INVS: variants seen among roughly 807,000 people sequenced by gnomAD.
INVS encodes inversin.
Under a neutral mutation model 108.8 loss-of-function variants are expected in INVS, and 86 were observed. The observed-to-expected ratio is 0.79, with a 90% confidence interval of 0.66 to 0.95. INVS has a LOEUF of 0.95. Among genes scored for constraint, INVS ranks in the 40% least tolerant of loss-of-function variants. The pLI is 0.00. For synonymous variants in INVS, 455 were observed against 473.5 expected (o/e 0.96, Z 0.51); for missense variants, 1,169 against 1,297.4 (o/e 0.90, Z 1.52).
chr9:100,204,228 A>G (rs1330474395), intron 3 of INVS, among the ~76,000 whole-genome samples: 5 of 152,228 alleles, frequency 3.3e-5, no homozygotes, highest in African/African-American at 4.8e-5. Context: ...AACTAGTTAG[A>G]GCCAGGACTA....
chr9:100,170,975 C>T (rs192794629), intron 3 of INVS, among the ~76,000 whole-genome samples: 1 of 152,276 alleles, frequency 6.6e-6, no homozygotes, highest in East Asian at 1.9e-4. Flanking sequence ...AGAGAGGCAT[C>T]TAAGCCATCC....
At chr9:100,116,912 A>G (rs1045403696) in intron 2 of INVS, 2 of 1,328,766 alleles carry the variant, frequency 1.5e-6, no homozygotes, top group African/African-American at 1.4e-5. Context: ...GATGGCATCA[A>G]AGGTGGCCTT....
chr9:100,179,224 C>T (rs986180344), intron 3 of INVS, among the ~76,000 whole-genome samples: 9 of 152,140 alleles, frequency 5.9e-5, no homozygotes, highest in Non-Finnish European at 1.2e-4. Flanking sequence ...GAAGAAACTG[C>T]ATCAACGAAT....
chr9:100,240,007 T>C, intron 5 of INVS, 53 bp from the exon 6 acceptor site: 1 of 1,460,608 alleles, frequency 6.8e-7, no homozygotes. Context: ...ACACCAAATG[T>C]AATTTATTGA....
At chr9:100,112,210 G>T (rs1419183228) in intron 2 of INVS, among the ~76,000 whole-genome samples, 1 of 152,158 alleles carries the variant, frequency 6.6e-6, no homozygotes, top group East Asian at 1.9e-4. Flanking sequence ...GACCTCAGGT[G>T]ATCCACCCGC....
chr9:100,112,876 T>C (rs1827386356), intron 2 of INVS, among the ~76,000 whole-genome samples: 1 of 152,194 alleles, frequency 6.6e-6, no homozygotes, highest in African/African-American at 2.4e-5. Context: ...TCCTCTCCTT[T>C]ACTAAAGCTT....
Position 100,242,528 on chromosome 9 carries a change from A to T in INVS, c.797-42A>T, listed in dbSNP as rs534259928. ...TTAAATAGATTATAAATTAATTAAC[A>T]TCCTTTATAAGTGATAATTACCTTT... On this transcript the variant is annotated intron_variant, in intron 6 of 16. Transcript: ENST00000262457. 3 of 1,012,292 alleles carry T rather than the reference A, an allele frequency of 3.0e-6. No homozygotes were observed. The Admixed American group carries it at 5.1e-5, about 17-fold the overall frequency. 62.7% of individuals were successfully genotyped at this position (1,012,292 alleles called of 1,614,324 possible).
At chr9:100,264,798 C>T in intron 10 of INVS, 24 bp from the exon 11 acceptor site, 1 of 1,489,790 alleles carries the variant, frequency 6.7e-7, no homozygotes, top group East Asian at 2.3e-5. Context: ...TCCAGATGTA[C>T]TTGATTTTTG....
At chr9:100,284,293 C>A (rs763840154) in intron 12 of INVS, 27 bp from the exon 13 acceptor site, 1 of 1,612,816 alleles carries the variant, frequency 6.2e-7, no homozygotes, top group Non-Finnish European at 8.5e-7. Flanking sequence ...TAAATTTTTT[C>A]ATCTTCTTCT....
At chr9:100,199,788 A>G (rs1031156872) in intron 3 of INVS, among the ~76,000 whole-genome samples, 1 of 152,056 alleles carries the variant, frequency 6.6e-6, no homozygotes, top group Non-Finnish European at 1.5e-5. Context: ...ATGTGCATAG[A>G]GGTAGTTTTC....
At chr9:100,162,857 G>A (rs1829233791) in intron 3 of INVS, among the ~76,000 whole-genome samples, 3 of 151,876 alleles carry the variant, frequency 2.0e-5, no homozygotes, top group Admixed American at 1.3e-4. Flanking sequence ...TCTGAGTTTG[G>A]CAAGGACCCA....
chr9:100,285,974 G>A (rs534063067), intron 13 of INVS, among the ~76,000 whole-genome samples: 6 of 152,294 alleles, frequency 3.9e-5, no homozygotes, highest in Non-Finnish European at 7.4e-5. Context: ...TAATGTCTTC[G>A]TATTATTATG....
intron 3 of INVS, among the ~76,000 whole-genome samples, chr9:100,197,874 G>C (rs952636268): frequency 6.6e-6 from 1 of 152,136 alleles, no homozygotes; most frequent in Admixed American, 6.6e-5. Context: ...TATATTTTTA[G>C]TTTCTAAGGG....
chr9:100,204,182 TG>T (rs1830613473), intron 3 of INVS, among the ~76,000 whole-genome samples: 1 of 152,120 alleles, frequency 6.6e-6, no homozygotes, highest in Non-Finnish European at 1.5e-5. Flanking sequence ...ACTAAATAAT[TG>T]TTTGGTAAAT....
chr9:100,143,334 A>G (rs149523418), intron 3 of INVS, among the ~76,000 whole-genome samples: 4,732 of 152,156 alleles, frequency 0.031, 236 homozygotes, highest in African/African-American at 0.11. Context: ...GGACAGGTAA[A>G]ATGGGGGAAT....
intron 12 of INVS, among the ~76,000 whole-genome samples, chr9:100,278,255 AT>A (rs1833168239): frequency 6.7e-6 from 1 of 150,158 alleles, no homozygotes; most frequent in African/African-American, 2.5e-5. Context: ...AAAAAAAAAA[AT>A]TTATGTGAGG....
intron 3 of INVS, among the ~76,000 whole-genome samples, chr9:100,134,304 T>C (rs946178528): frequency 2.0e-5 from 3 of 152,234 alleles, no homozygotes; most frequent in African/African-American, 7.2e-5. Flanking sequence ...TATTCCATTG[T>C]GTATATCTAT....
chr9:100,167,484 C>T (rs1446182662), intron 3 of INVS, among the ~76,000 whole-genome samples: 1 of 152,054 alleles, frequency 6.6e-6, no homozygotes, highest in African/African-American at 2.4e-5. Context: ...TGTTGAACTC[C>T]CTTGCTTTCA....
chr9:100,246,379 A>T (rs995479872), intron 7 of INVS, among the ~76,000 whole-genome samples: 4 of 152,070 alleles, frequency 2.6e-5, no homozygotes, highest in African/African-American at 9.7e-5. Flanking sequence ...TGAATGGGAG[A>T]GTTAGGTTAT....
Sources: gnomAD v4.1 joint callset for allele counts (sites outside exome capture counted in the v4.1 genomes callset) on GRCh38, gnomAD v4.1.1 for gene constraint, MANE v1.5 for transcripts, NCBI Gene and HGNC (gene_info 2026-07-23, HGNC 2026-07-21) for gene names.